Variants in SLC6A13 observed in about 807,000 individuals in gnomAD.
SLC6A13 encodes the protein solute carrier family 6 member 13.
A neutral mutation model predicts 72.9 loss-of-function variants in SLC6A13; 69 were observed. The ratio of observed to expected loss-of-function variants is 0.95; its 90% CI spans 0.78 to 1.16. SLC6A13 has a LOEUF of 1.16. Ranked by LOEUF, SLC6A13 falls within the 50% of genes most tolerant of loss-of-function variation. SLC6A13 has a pLI of 0.00. For synonymous variants in SLC6A13, 303 were observed against 303.0 expected (o/e 1.00, Z 0.00); for missense variants, 735 against 760.5 (o/e 0.97, Z 0.39).
intron 7 of SLC6A13, among the ~76,000 whole-genome samples, chr12:229,928 G>A (rs1286478130): frequency 6.6e-6 from 1 of 152,120 alleles, no homozygotes; most frequent in African/African-American, 2.4e-5. Flanking sequence ...GACTGAATTG[G>A]GGGAGAGGTT....
chr12:238,340 C>T lies in SLC6A13; in HGVS notation c.479-330G>A, dbSNP rs113932609. 80 of 1,333,408 alleles carry T rather than the reference C, an allele frequency of 6.0e-5. No individual in the cohort carries two copies. In the African/African-American group the frequency reaches 9.0e-4, roughly 15 times the overall value. The allele number at this position is 1,333,408 out of a possible 1,614,324, so 82.6% of individuals were successfully genotyped here. A position where few individuals can be genotyped will look rare whatever the true frequency, so the allele number is the denominator to read the frequency against. Reference sequence around the variant, plus strand: ...TATGTAAGCGTCCTGTGCAAAGTCACCACCTTCGAGGAATAATAAGAGGGA... The same window carrying T: ...TATGTAAGCGTCCTGTGCAAAGTCATCACCTTCGAGGAATAATAAGAGGGA... On this transcript the variant is annotated intron_variant, in intron 4 of 14. Transcript: ENST00000343164.
At chr12:251,292 G>C (rs1187407810) in intron 2 of SLC6A13, among the ~76,000 whole-genome samples, 1 of 152,080 alleles carries the variant, frequency 6.6e-6, no homozygotes, top group Non-Finnish European at 1.5e-5. Flanking sequence ...CAATGGAACA[G>C]AGTAGAATTC....
intron 2 of SLC6A13, among the ~76,000 whole-genome samples, 170 bp from the exon 3 acceptor site, chr12:243,983 G>C (rs1026359090): frequency 7.1e-6 from 1 of 141,024 alleles, no homozygotes. Context: ...GAGATCAAGA[G>C]TCACCCCATT....
intron 4 of SLC6A13, among the ~76,000 whole-genome samples, chr12:241,815 A>G (rs1343404955): frequency 6.6e-6 from 1 of 152,272 alleles, no homozygotes; most frequent in Non-Finnish European, 1.5e-5. Context: ...AGGTAGTCGT[A>G]TAAGCACAGG....
chr12:234,509 T>TTTATTTC (rs1941846256), intron 7 of SLC6A13, among the ~76,000 whole-genome samples: 1 of 152,118 alleles, frequency 6.6e-6, no homozygotes, highest in African/African-American at 2.4e-5. Context: ...CATTTTATTT[T>TTTATTTC]ATTTTATTTC....
At chr12:227,345 A>G (rs1941502238) in intron 8 of SLC6A13, 1 of 390,250 alleles carries the variant, frequency 2.6e-6, no homozygotes, top group Non-Finnish European at 3.5e-6. Context: ...GTGGTCTCCC[A>G]GCCAATCACA....
intron 9 of SLC6A13, among the ~76,000 whole-genome samples, chr12:226,018 T>C (rs937900706): frequency 7.2e-5 from 11 of 152,210 alleles, no homozygotes; most frequent in Non-Finnish European, 1.6e-4. Flanking sequence ...TATGTTATCA[T>C]TTGGTTTTTT....
At chr12:257,001 C>T (rs1433016250) in intron 2 of SLC6A13, among the ~76,000 whole-genome samples, 1 of 152,140 alleles carries the variant, frequency 6.6e-6, no homozygotes, top group Non-Finnish European at 1.5e-5. Context: ...TCTACAGGGT[C>T]TCCATTCTCC....
At chr12:260,877 CA>C (rs905312049) in intron 1 of SLC6A13, among the ~76,000 whole-genome samples, 5 of 151,908 alleles carry the variant, frequency 3.3e-5, no homozygotes, top group African/African-American at 1.2e-4. Context: ...ACAATTACAT[CA>C]AAAATGTGTT....
chr12:261,124 GTT>G (rs1942912977), intron 1 of SLC6A13, among the ~76,000 whole-genome samples: 1 of 152,194 alleles, frequency 6.6e-6, no homozygotes, highest in East Asian at 1.9e-4. Context: ...AAAAGCCACA[GTT>G]TTAACCATTC....
At chr12:232,340 G>T (rs999411872) in intron 7 of SLC6A13, among the ~76,000 whole-genome samples, 1 of 152,144 alleles carries the variant, frequency 6.6e-6, no homozygotes, top group East Asian at 1.9e-4. Flanking sequence ...GAACCACAGT[G>T]GCTTTCTCTT....
chr12:227,716 C>T (rs746328244), intron 7 of SLC6A13, 48 bp from the exon 8 acceptor site: 1 of 1,493,682 alleles, frequency 6.7e-7, no homozygotes, highest in Admixed American at 1.9e-5. Context: ...AAAGCCAGGC[C>T]ATTCAAGCCA....
rs1252867381 is a variant in SLC6A13, at chr12:226,475, G to T, written c.975C>A (p.Ser325Arg). 3 of 1,614,000 alleles carry T rather than the reference G, an allele frequency of 1.9e-6. No individual in the cohort carries two copies. The East Asian group carries it at 6.7e-5, about 36-fold the overall frequency. ...AGAAGATGGCAAAGCCGGCCACAAA[G>T]CTGGTGCCGCTGTTGAGGAAGCAGA... ...IALCFLNSGT[S>R]FVAGFAIFSI... The change falls in exon 9 of 15, where the codon AGC becomes AGA. Residue 325 changes from serine to arginine, a missense_variant. Ser to Arg is a moderately radical substitution (Grantham distance 110, BLOSUM62 -1). Coordinates refer to ENST00000343164, the MANE Select transcript of SLC6A13 (RefSeq NM_016615.5).
rs780279869 is a variant in SLC6A13, at chr12:237,230, C to T, written c.624G>A (p.Leu208=). 6.2e-7 allele frequency: 1 copy of T among 1,614,020 alleles called. No homozygotes were observed. The highest frequency in any genetic ancestry group is 1.7e-5 in the Admixed American group (1 of 60,018). The change falls in exon 6 of 15, where the codon CTG becomes CTA. Residue 208 remains leucine (L), a synonymous_variant. Coordinates refer to ENST00000343164, the MANE Select transcript of SLC6A13 (RefSeq NM_016615.5). ...CCCAGGCCAGCAGGAGGCACAGAGC[C>T]AGCTCCCAGCGCAGGGCCCCCAGGT... ...IQHLGALRWE[L]ALCLLLAWVI... is the part of the protein sequence containing the mutation.
At chr12:242,301 G>A (rs11613331) in intron 4 of SLC6A13, among the ~76,000 whole-genome samples, 66,503 of 151,998 alleles carry the variant, frequency 0.44, 15,999 homozygotes, top group Non-Finnish European at 0.55. Flanking sequence ...GAGAAGATAC[G>A]CGAAACAAAT....
rs567077837 is a variant in SLC6A13, at chr12:256,238, A to G, written c.202+3613T>C. ...ATTGGTCCGTTTTGATTATAGATGT[A>G]TCCCAACCACCTAGAACAGTTCCTG... On this transcript the variant is annotated intron_variant, in intron 2 of 14. Coordinates refer to ENST00000343164, the MANE Select transcript of SLC6A13 (RefSeq NM_016615.5). Among the ~76,000 whole-genome samples, 4 of 152,334 alleles carry G rather than the reference A, an allele frequency of 2.6e-5. No homozygotes were observed. The South Asian group carries it at 8.3e-4, about 32-fold the overall frequency.
chr12:238,489 C>T (rs567522126), intron 4 of SLC6A13: 19 of 439,808 alleles, frequency 4.3e-5, no homozygotes, highest in African/African-American at 3.2e-4. Context: ...TTGCTTCGCT[C>T]GTCTCTAAAA....
chr12:237,014 T>C, intron 6 of SLC6A13, 144 bp downstream of exon 6: 1 of 868,682 alleles, frequency 1.2e-6, no homozygotes, highest in Non-Finnish European at 1.8e-6. Flanking sequence ...AGGCGGAGAA[T>C]CAAGGAAGGG....
Position 221,456 on chromosome 12 carries a change from G to A in SLC6A13, c.1606C>T (p.Leu536Phe), listed in dbSNP as rs1170993650. Residue 536 changes from leucine (L) to phenylalanine (F), a missense_variant, in exon 14 of 15, where the codon CTC (leucine) becomes TTC (phenylalanine). By Grantham distance (22) the Leu-to-Phe change is conservative. Transcript: ENST00000343164. ...YPWWGDALGWLLALSSMVCIP... is the reference protein window; with the variant it reads ...YPWWGDALGWFLALSSMVCIP... ...CAGACCATGGAGGACAGAGCCAGGA[G>A]CCAGCCCAGGGCATCGCCCCACCAC... 3 of 1,614,014 alleles carry A rather than the reference G, an allele frequency of 1.9e-6. 1 individual carries two copies. Among genetic ancestry groups the A allele is most frequent in the South Asian group, 2.2e-5 (2 of 91,074 alleles).
Sources: allele counts gnomAD v4.1 joint callset (sites outside exome capture counted in the v4.1 genomes callset), GRCh38; gene constraint gnomAD v4.1.1; transcripts MANE v1.5; gene names NCBI Gene and HGNC (gene_info 2026-07-23, HGNC 2026-07-21).